The following SLC5A10 variants were observed in gnomAD, a reference collection of about 807,000 sequenced individuals.
The protein encoded by SLC5A10 is solute carrier family 5 member 10, also known as sodium/mannose cotransporter SLC5A10.
SLC5A10 carries 55 observed loss-of-function variants against 68.9 expected under a neutral mutation model. The ratio of observed to expected loss-of-function variants is 0.80; its 90% CI spans 0.64 to 1.00. The LOEUF is 1.00. Ranked by LOEUF, SLC5A10 falls within the 50% of genes least tolerant of loss-of-function variation. The pLI is 0.00. For synonymous variants in SLC5A10, 344 were observed against 344.8 expected (o/e 1.00, Z 0.02); for missense variants, 732 against 819.3 (o/e 0.89, Z 1.30).
At chr17:18,964,206 G>A (rs1018050788) in intron 5 of SLC5A10, among the ~76,000 whole-genome samples, 2 of 152,112 alleles carry the variant, frequency 1.3e-5, no homozygotes, top group East Asian at 1.9e-4. Context: ...CTCACTGGCC[G>A]CATCCCCAGG....
chr17:18,984,068 C>T (rs533804716), intron 9 of SLC5A10, among the ~76,000 whole-genome samples: 34 of 152,156 alleles, frequency 2.2e-4, no homozygotes, highest in Admixed American at 7.8e-4. Context: ...CTTGGCCGGG[C>T]GCGGTGGCTC....
In SLC5A10 at chr17:19,015,702, G is replaced by A. The variant is rs569972347; in HGVS notation, c.1241+503G>A. ...GCTGATCTTTCTGGACTCTGCCTGT[G>A]TCCCCTCCTCCGTGCAGTCCTCCCT... On this transcript the variant is annotated intron_variant, in intron 11 of 14. Transcript: ENST00000395645. 1.2e-4 allele frequency among the ~76,000 whole-genome samples: 18 copies of A among 152,248 alleles called. 2 individuals carry two copies. Among genetic ancestry groups the A allele is most frequent in the Admixed American group, 7.8e-4 (12 of 15,298 alleles).
intron 9 of SLC5A10, chr17:18,979,337 A>G (rs1388162102): frequency 1.6e-5 from 10 of 639,100 alleles, no homozygotes; most frequent in Non-Finnish European, 2.6e-5. Context: ...GGCCGGTGAC[A>G]TCTCCAAGCT....
intron 5 of SLC5A10, among the ~76,000 whole-genome samples, chr17:18,967,880 CCCA>C (rs2042743579): frequency 6.6e-6 from 1 of 152,064 alleles, no homozygotes; most frequent in Non-Finnish European, 1.5e-5. Context: ...GCCCCCACCC[CCCA>C]CCACACCTTC....
chr17:18,995,335 T>C (rs1241547497), intron 9 of SLC5A10, among the ~76,000 whole-genome samples: 1 of 152,096 alleles, frequency 6.6e-6, no homozygotes, highest in African/African-American at 2.4e-5. Flanking sequence ...AATGCAACAT[T>C]TAAGACGAAA....
intron 9 of SLC5A10, among the ~76,000 whole-genome samples, chr17:19,012,590 A>G (rs1380038552): frequency 1.3e-5 from 2 of 152,172 alleles, no homozygotes; most frequent in Admixed American, 1.3e-4. Flanking sequence ...GGTGGGAAGG[A>G]CAGACCGGAA....
chr17:18,976,060 G>A (rs1270806091), intron 8 of SLC5A10: 3 of 151,434 alleles, frequency 2.0e-5, no homozygotes, highest in Admixed American at 6.6e-5. Context: ...GTGGTGGCAG[G>A]CGCCTGTTGT....
intron 9 of SLC5A10, chr17:18,979,442 G>T (rs568501846): frequency 1.4e-6 from 2 of 1,406,354 alleles, no homozygotes; most frequent in Non-Finnish European, 1.9e-6. Context: ...CACCTCAGCA[G>T]CCTTGGGACC....
At chr17:18,978,219 G>C (rs752734541) in intron 9 of SLC5A10, 1 of 1,578,404 alleles carries the variant, frequency 6.3e-7, no homozygotes, top group Admixed American at 1.7e-5. Flanking sequence ...CCGTCCTGGG[G>C]GGCACTGGGC....
chr17:18,963,542 C>T (rs984102898), intron 5 of SLC5A10, among the ~76,000 whole-genome samples: 7 of 152,224 alleles, frequency 4.6e-5, no homozygotes, highest in African/African-American at 1.4e-4. Flanking sequence ...GGCTTGGCTG[C>T]GAGAGGACTG....
chr17:18,995,458 T>C (rs530072997), intron 9 of SLC5A10, among the ~76,000 whole-genome samples: 1 of 152,274 alleles, frequency 6.6e-6, no homozygotes, highest in South Asian at 2.1e-4. Flanking sequence ...TGAAAGAACA[T>C]GAACACAGCA....
chr17:18,973,737 G>C (rs1475324530), intron 8 of SLC5A10, among the ~76,000 whole-genome samples: 1 of 152,038 alleles, frequency 6.6e-6, no homozygotes, highest in Admixed American at 6.6e-5. Flanking sequence ...TTGCTCTGTT[G>C]CTCAGGCTGG....
chr17:18,992,561 C>T (rs1464210334), intron 9 of SLC5A10, among the ~76,000 whole-genome samples: 1 of 152,228 alleles, frequency 6.6e-6, no homozygotes, highest in African/African-American at 2.4e-5. Flanking sequence ...AGGCAGGGAG[C>T]ACAGGCGTGG....
intron 9 of SLC5A10, among the ~76,000 whole-genome samples, chr17:18,994,418 C>T (rs1401187169): frequency 2.6e-5 from 4 of 152,080 alleles, no homozygotes; most frequent in Non-Finnish European, 4.4e-5. Flanking sequence ...ATTTGCAGGA[C>T]GGAGTGCCGC....
intron 9 of SLC5A10, among the ~76,000 whole-genome samples, chr17:18,980,130 G>A (rs2043092981): frequency 6.6e-6 from 1 of 152,148 alleles, no homozygotes; most frequent in Non-Finnish European, 1.5e-5. Context: ...GGCCTGCCCT[G>A]CAGAATCTGT....
intron 9 of SLC5A10, among the ~76,000 whole-genome samples, chr17:18,987,668 T>G (rs2043305532): frequency 6.6e-6 from 1 of 152,090 alleles, no homozygotes; most frequent in African/African-American, 2.4e-5. Flanking sequence ...GTTCCATGGT[T>G]TCCCCCACCC....
chr17:19,006,898 T>C (rs989848854), intron 9 of SLC5A10, among the ~76,000 whole-genome samples: 1 of 152,232 alleles, frequency 6.6e-6, no homozygotes, highest in Non-Finnish European at 1.5e-5. Context: ...TATTCCATGG[T>C]ATGGATATAC....
At chr17:18,978,687 CA>C in intron 9 of SLC5A10, 1 of 1,612,994 alleles carries the variant, frequency 6.2e-7, no homozygotes. Flanking sequence ...GAGGGCAGCA[CA>C]ATAGGCTCCG....
chr17:18,960,593 C>T lies in SLC5A10; in HGVS notation c.394C>T (p.Arg132Trp), dbSNP rs1443993024. 1.2e-6 allele frequency: 2 copies of T among 1,614,002 alleles called. No homozygotes were observed. The highest frequency in any genetic ancestry group is 1.3e-5 in the African/African-American group (1 of 74,920). The change falls in exon 5 of 15, where the codon CGG becomes TGG. Residue 132 changes from arginine to tryptophan, a missense_variant. By Grantham distance (101) the Arg-to-Trp change is moderately radical. Coordinates refer to ENST00000395645, the MANE Select transcript of SLC5A10 (RefSeq NM_001042450.4). Reference sequence around the variant, plus strand: ...CATTCAGAAGCGCTACGGGGGCCAGCGGATCCGCATGTACCTGTCTGTCCT... The same window carrying T: ...CATTCAGAAGCGCTACGGGGGCCAGTGGATCCGCATGTACCTGTCTGTCCT... Reference protein sequence around the residue: ...EYIQKRYGGQRIRMYLSVLSL... With the variant: ...EYIQKRYGGQWIRMYLSVLSL...
Sources: gnomAD v4.1 joint callset for allele counts (sites outside exome capture counted in the v4.1 genomes callset) on GRCh38, gnomAD v4.1.1 for gene constraint, MANE v1.5 for transcripts, NCBI Gene and HGNC (gene_info 2026-07-23, HGNC 2026-07-21) for gene names.